The following SENP7 variants were observed in gnomAD, a reference collection of about 807,000 sequenced individuals.
SENP7 encodes the protein SUMO specific peptidase 7, also known as sentrin-specific protease 7.
A neutral mutation model predicts 141.2 loss-of-function variants in SENP7; 64 were observed. That is an observed-to-expected ratio of 0.45 (90% CI 0.37 to 0.56). The LOEUF is 0.56. Among genes scored for constraint, SENP7 ranks in the 20% least tolerant of loss-of-function variants. The pLI, the probability that SENP7 is intolerant of heterozygous loss-of-function variation, is 0.00. For synonymous variants in SENP7, 382 were observed against 426.4 expected (o/e 0.90, Z 1.28); for missense variants, 1,025 against 1,212.2 (o/e 0.85, Z 2.29).
chr3:101,447,165 C>A (rs1291362532), intron 4 of SENP7, among the ~76,000 whole-genome samples: 1 of 152,092 alleles, frequency 6.6e-6, no homozygotes, highest in Non-Finnish European at 1.5e-5. Context: ...GAGAACAATT[C>A]CAGGCCCAAT....
intron 5 of SENP7, chr3:101,414,247 C>T (rs899472337): frequency 1.0e-5 from 6 of 574,044 alleles, no homozygotes; most frequent in African/African-American, 2.0e-5. Flanking sequence ...CTGCAGGTGA[C>T]GAGTGGTAGA....
At chr3:101,494,256 T>C (rs922486823) in intron 2 of SENP7, among the ~76,000 whole-genome samples, 7 of 152,048 alleles carry the variant, frequency 4.6e-5, no homozygotes, top group African/African-American at 1.7e-4. Flanking sequence ...AGCCCCAGAG[T>C]TCTCTAATAC....
intron 4 of SENP7, among the ~76,000 whole-genome samples, chr3:101,424,076 G>T (rs1474744177): frequency 6.6e-6 from 1 of 152,076 alleles, no homozygotes; most frequent in Non-Finnish European, 1.5e-5. Context: ...AACTCTGCAG[G>T]GTTGTCTTGC....
At chr3:101,489,737 A>T (rs188499709) in intron 3 of SENP7, among the ~76,000 whole-genome samples, 6 of 152,348 alleles carry the variant, frequency 3.9e-5, no homozygotes, top group Admixed American at 3.9e-4. Flanking sequence ...CACTGACAGC[A>T]TTAGACAGAT....
chr3:101,506,124 G>A (rs552170129), intron 1 of SENP7, among the ~76,000 whole-genome samples: 46 of 150,308 alleles, frequency 3.1e-4, no homozygotes, highest in South Asian at 1.5e-3. Flanking sequence ...AGGTTCAAGC[G>A]ATTCTCCCGC....
chr3:101,506,832 C>T (rs977987779), intron 1 of SENP7, among the ~76,000 whole-genome samples: 1 of 152,142 alleles, frequency 6.6e-6, no homozygotes, highest in East Asian at 1.9e-4. Context: ...GTGGGAGGAT[C>T]GCTTGAGGCG....
chr3:101,349,948 G>A lies in SENP7; in HGVS notation c.1657+1670C>T, dbSNP rs549371742. ...CCTAGCTTCCTTTACAAACGGGTGT[G>A]TGGGCTTGACTAGCTAGCTAATAAA... On this transcript the variant is annotated intron_variant, in intron 12 of 23. Transcript: ENST00000394095. Among the ~76,000 whole-genome samples, 3 of 152,240 alleles carry A rather than the reference G, an allele frequency of 2.0e-5. No homozygotes were observed. In the East Asian group the frequency reaches 5.8e-4, roughly 29 times the overall value.
intron 4 of SENP7, among the ~76,000 whole-genome samples, chr3:101,434,647 T>C (rs959823970): frequency 6.6e-5 from 10 of 152,202 alleles, no homozygotes; most frequent in African/African-American, 2.4e-4. Flanking sequence ...AGCAATTATA[T>C]GCCAATAAAT....
chr3:101,425,162 A>G (rs182035507), intron 4 of SENP7, among the ~76,000 whole-genome samples: 2 of 152,280 alleles, frequency 1.3e-5, no homozygotes, highest in Admixed American at 1.3e-4. Flanking sequence ...AGAACACACT[A>G]ATACACTACC....
At chr3:101,474,309 G>T (rs1177224526) in intron 3 of SENP7, among the ~76,000 whole-genome samples, 3 of 152,096 alleles carry the variant, frequency 2.0e-5, no homozygotes, top group African/African-American at 7.2e-5. Flanking sequence ...AATATTGATT[G>T]TTCCTATCCA....
At position 101,327,487 on chromosome 3, in the gene SENP7, G is replaced by C. The variant is rs549499805; in HGVS notation, c.3015+179C>G. ...GCTTCCCCTTCCACCATGATCGTAAGTTTCCTGAGACCTCCCCAGCCATGC... is the reference window on the plus strand; with the variant it reads ...GCTTCCCCTTCCACCATGATCGTAACTTTCCTGAGACCTCCCCAGCCATGC... On this transcript the variant is annotated intron_variant, in intron 23 of 23. Coordinates refer to ENST00000394095, the MANE Select transcript of SENP7 (RefSeq NM_020654.5). 2.0e-5 allele frequency among the ~76,000 whole-genome samples: 3 copies of C among 152,116 alleles called. No individual in the cohort carries two copies. The East Asian group carries it at 5.8e-4, about 29-fold the overall frequency.
chr3:101,491,124 T>C (rs1282582903), intron 3 of SENP7, among the ~76,000 whole-genome samples: 2 of 137,634 alleles, frequency 1.5e-5, no homozygotes, highest in South Asian at 2.4e-4. Context: ...CTTCATTTTA[T>C]ACTTTTTTTT....
chr3:101,487,427 GT>G (rs2064776744), intron 3 of SENP7, among the ~76,000 whole-genome samples: 1 of 152,008 alleles, frequency 6.6e-6, no homozygotes, highest in Admixed American at 6.6e-5. Context: ...TAGGGATTTT[GT>G]TTTGTTTTTT....
intron 5 of SENP7, among the ~76,000 whole-genome samples, chr3:101,413,914 A>G (rs2061526736): frequency 6.6e-6 from 1 of 152,222 alleles, no homozygotes; most frequent in African/African-American, 2.4e-5. Flanking sequence ...GTGCCAAACT[A>G]AGAAGTTTGA....
intron 1 of SENP7, among the ~76,000 whole-genome samples, chr3:101,501,542 T>C (rs769292715): frequency 5.3e-5 from 8 of 150,462 alleles, no homozygotes; most frequent in Non-Finnish European, 1.0e-4. Context: ...ATAAAAACAC[T>C]TTCAGTTCTA....
intron 4 of SENP7, among the ~76,000 whole-genome samples, chr3:101,442,941 G>A (rs1296233822): frequency 6.6e-6 from 1 of 152,092 alleles, no homozygotes; most frequent in African/African-American, 2.4e-5. Context: ...AGAAGAGATG[G>A]GCAAAGCGAA....
rs765549015 is a variant in SENP7 at position 101,361,725 on chromosome 3, C to G, written c.1613G>C (p.Gly538Ala). ...YIGKIKGASK[G>A]CVTITKKYIK... ...AGAAAATATACTTACTGTAACACAA[C>G]CTTTAGAAGCTCCTTTTATTTTACC... The change falls in exon 11 of 24, where the codon GGT (glycine) becomes GCT (alanine). Residue 538 changes from glycine to alanine, a missense_variant. Coordinates refer to ENST00000394095, the MANE Select transcript of SENP7 (RefSeq NM_020654.5). The G allele has an allele frequency of 1.3e-6, 2 of 1,572,714 alleles. No homozygotes were observed. The highest frequency in any genetic ancestry group is 1.7e-6 in the Non-Finnish European group (2 of 1,165,778).
intron 11 of SENP7, chr3:101,359,205 T>C (rs1175173319): frequency 1.3e-5 from 2 of 152,086 alleles, no homozygotes; most frequent in African/African-American, 4.8e-5. Context: ...TGCTTACACC[T>C]TATTTCACAG....
At chr3:101,374,598 C>CA in intron 6 of SENP7, among the ~76,000 whole-genome samples, 1 of 128,352 alleles carries the variant, frequency 7.8e-6, no homozygotes, top group East Asian at 2.5e-4. Context: ...TTTCACCCCA[C>CA]CCACACACAC....
Sources: gnomAD v4.1 joint callset for allele counts (sites outside exome capture counted in the v4.1 genomes callset) on GRCh38, gnomAD v4.1.1 for gene constraint, MANE v1.5 for transcripts, NCBI Gene and HGNC (gene_info 2026-07-23, HGNC 2026-07-21) for gene names.